KDR: variants seen among roughly 807,000 people sequenced by gnomAD.
KDR encodes the protein vascular endothelial growth factor receptor 2.
In KDR, 43 loss-of-function variants were observed where a neutral mutation model predicts 160.9. The ratio of observed to expected loss-of-function variants is 0.27; its 90% CI spans 0.21 to 0.34. The LOEUF (loss-of-function observed/expected upper bound fraction) is 0.34, where lower values mean the gene tolerates loss of function less well. Among genes scored for constraint, KDR ranks in the 10% least tolerant of loss-of-function variants. The probability of loss-of-function intolerance (pLI) is 1.00; values close to 1 mark genes in which losing one functional copy is unlikely to be tolerated. For missense variants in KDR, 1,469 were observed against 1,666.4 expected, an observed-to-expected ratio of 0.88 and a Z score of 2.06; for synonymous variants, 617 against 600.1, an observed-to-expected ratio of 1.03 and a Z score of -0.41.
intron 24 of KDR, 27 bp downstream of exon 24, chr4:55,089,664 A>T (rs1412102261): frequency 1.3e-6 from 2 of 1,588,742 alleles, no homozygotes; most frequent in African/African-American, 1.3e-5. Context: ...TGGAGTCTGG[A>T]TGGAAGGACA....
At chr4:55,106,256 C>T (rs1241117718) in intron 11 of KDR, among the ~76,000 whole-genome samples, 1 of 152,084 alleles carries the variant, frequency 6.6e-6, no homozygotes, top group Non-Finnish European at 1.5e-5. Context: ...ACCATGTCGG[C>T]ACTCAAAAAG....
chr4:55,081,971 A>G lies in KDR; in HGVS notation c.3833T>C (p.Leu1278Ser), dbSNP rs1719744559. 1.2e-6 allele frequency: 2 copies of G among 1,610,836 alleles called. No individual in the cohort carries two copies. Among genetic ancestry groups the G allele is most frequent in the Non-Finnish European group, 1.7e-6 (2 of 1,176,992 alleles). ...TGAGTCTTACCCAAAAGATGGAGAT[A>G]ATTTGGTTCTGTCTTCCAAAGTTTT... is the stretch of plus-strand genomic sequence containing the variant. ...ELKTLEDRTKLSPSFGGMVPS... is the reference protein window; with the variant it reads ...ELKTLEDRTKSSPSFGGMVPS... Residue 1278 changes from leucine (L) to serine (S), a missense_variant, in exon 29 of 30, where the codon TTA (leucine) becomes TCA (serine). Physicochemically the swap from Leu to Ser is moderately radical, Grantham distance 145 (BLOSUM62 -2). Around this residue, in one of 7 missense-constraint regions of KDR, gnomAD observed 229 missense variants for 197.8 expected, o/e 1.16. Coordinates refer to ENST00000263923, the MANE Select transcript of KDR (RefSeq NM_002253.4).
At chr4:55,090,131 C>T (rs2110011969) in intron 22 of KDR, 53 bp from the exon 23 acceptor site, 2 of 1,608,842 alleles carry the variant, frequency 1.2e-6, no homozygotes, top group Admixed American at 1.7e-5. Flanking sequence ...ATCTCTTTCA[C>T]ATCTGTTGTG....
rs973129809 is a variant in KDR at position 55,095,467 on chromosome 4, A to G, written c.2817+110T>C. The G allele has an allele frequency of 3.2e-4, 251 of 775,596 alleles. 3 individuals carry two copies. The highest frequency in any genetic ancestry group is 4.5e-4 in the Middle Eastern group (2 of 4,440). The allele number at this position is 775,596 out of a possible 1,614,324, so 48.0% of individuals were successfully genotyped here. On this transcript the variant is annotated intron_variant, in intron 20 of 29. Coordinates refer to ENST00000263923, the MANE Select transcript of KDR (RefSeq NM_002253.4). ...ACAACAGCCAAGAGGTAATATGAGA[A>G]GATTCCTCACAAGTTCTTCACAAAA... is the stretch of plus-strand genomic sequence containing the variant.
chr4:55,118,844 C>T (rs1385413031), intron 2 of KDR, 44 bp from the exon 3 acceptor site: 2 of 1,498,548 alleles, frequency 1.3e-6, no homozygotes, highest in Non-Finnish European at 1.9e-6. Context: ...AAGTGCCAGA[C>T]TGTGAGGCTA....
rs1450517283 is a variant in KDR, at chr4:55,092,270, G to A, written c.3069+347C>T. 2.7e-5 allele frequency: 9 copies of A among 335,064 alleles called. No homozygotes were observed. The East Asian group carries it at 2.8e-4, about 11-fold the overall frequency. The allele number at this position is 335,064 out of a possible 1,614,324, so 20.8% of individuals were successfully genotyped here. ...TTTACTCTCATCTAACCTACAACAC[G>A]TTTTACTTGTTTATATTGCTTATTG... On this transcript the variant is annotated intron_variant, in intron 22 of 29. Coordinates refer to ENST00000263923, the MANE Select transcript of KDR (RefSeq NM_002253.4).
chr4:55,120,092 T>G (rs1458833203), intron 2 of KDR, among the ~76,000 whole-genome samples: 1 of 152,154 alleles, frequency 6.6e-6, no homozygotes, highest in African/African-American at 2.4e-5. Context: ...CAAGTAAAGC[T>G]AGAGAAACAG....
chr4:55,122,258 T>A (rs1720900017), intron 1 of KDR, among the ~76,000 whole-genome samples: 1 of 152,116 alleles, frequency 6.6e-6, no homozygotes, highest in Non-Finnish European at 1.5e-5. Context: ...TGAAGAGCTA[T>A]GAGGTGTTGA....
At chr4:55,119,208 A>G (rs1720807292) in intron 2 of KDR, among the ~76,000 whole-genome samples, 1 of 132,918 alleles carries the variant, frequency 7.5e-6, no homozygotes, top group Non-Finnish European at 1.5e-5. Flanking sequence ...CCCTGCCTCA[A>G]AAAAAAAAAA....
Position 55,094,931 on chromosome 4 carries a change from C to T in KDR, c.2842G>A (p.Gly948Arg). 6.2e-7 allele frequency: 1 copy of T among 1,613,964 alleles called. No homozygotes were observed. Among genetic ancestry groups the T allele is most frequent in the Non-Finnish European group, 8.5e-7 (1 of 1,179,888 alleles). ...YKTKGARFRQ[G>R]KDYVGAIPVD... ...GGGATTGCTCCAACGTAGTCTTTCCCTTGACGGAATCGTGCCCCTTTGGTC... is the reference window on the plus strand; with the variant it reads ...GGGATTGCTCCAACGTAGTCTTTCCTTTGACGGAATCGTGCCCCTTTGGTC... Residue 948 changes from glycine (G) to arginine (R), a missense_variant, in exon 21 of 30, where the codon GGG (glycine) becomes AGG (arginine). Coordinates refer to ENST00000263923, the MANE Select transcript of KDR (RefSeq NM_002253.4).
rs377347767 is a variant in KDR, at chr4:55,079,922, G to C, written c.*19C>G. ...CCTCTCATGTGATGTCCAGGAGTTG[G>C]GGGTGTGGATGCTTCCTTTTAAACA... is the stretch of plus-strand genomic sequence containing the variant. On this transcript the variant is annotated 3_prime_UTR_variant, in exon 30 of 30. Transcript: ENST00000263923. 61 of 1,599,236 alleles carry C rather than the reference G, an allele frequency of 3.8e-5. 1 individual carries two copies. The Middle Eastern group carries it at 1.0e-3, about 27-fold the overall frequency.
intron 1 of KDR, among the ~76,000 whole-genome samples, chr4:55,123,167 C>CT (rs1720939083): frequency 6.6e-6 from 1 of 152,120 alleles, no homozygotes; most frequent in South Asian, 2.1e-4. Flanking sequence ...TGGAGTCCCA[C>CT]TTTGTCTAAG....
intron 29 of KDR, 104 bp from the exon 30 acceptor site, chr4:55,080,267 A>G: frequency 1.0e-6 from 1 of 957,230 alleles, no homozygotes; most frequent in East Asian, 2.5e-5. Context: ...ATCTCCCTGG[A>G]GACCGCAGCC....
intron 1 of KDR, among the ~76,000 whole-genome samples, chr4:55,124,239 A>G (rs754093076): frequency 1.3e-5 from 2 of 151,274 alleles, no homozygotes; most frequent in Non-Finnish European, 2.9e-5. Flanking sequence ...TCTTTCTCTG[A>G]CCCTTTCCCC....
chr4:55,097,906 C>T lies in KDR; in HGVS notation c.2510-140G>A, dbSNP rs534634221. The T allele has an allele frequency of 1.1e-5, 9 of 838,776 alleles. No individual in the cohort carries two copies. In the African/African-American group the frequency reaches 1.2e-4, roughly 11 times the overall value. The allele number at this position is 838,776 out of a possible 1,614,324, so 52.0% of individuals were successfully genotyped here. On this transcript the variant is annotated intron_variant, in intron 17 of 29. Coordinates refer to ENST00000263923, the MANE Select transcript of KDR (RefSeq NM_002253.4). The stretch of plus-strand genomic sequence containing the variant: ...AGTCCAGTTTACTCCTTTGTCCTGG[C>T]TTAATTATTTAATAACTCCCCCTTC...
At chr4:55,106,839 A>G (rs764459870) in intron 10 of KDR, 29 bp from the exon 11 acceptor site, 1 of 1,589,602 alleles carries the variant, frequency 6.3e-7, no homozygotes, top group Non-Finnish European at 8.6e-7. Context: ...AGCGCATATT[A>G]TGATTTAATT....
chr4:55,114,301 G>T, intron 5 of KDR, 36 bp from the exon 6 acceptor site: 2 of 1,602,302 alleles, frequency 1.2e-6, no homozygotes, highest in Non-Finnish European at 1.7e-6. Context: ...GAACATGAGA[G>T]AGCAAATAAG....
rs1292576714 is a variant in KDR, at chr4:55,078,658, A to G, written c.*1283T>C. On this transcript the variant is annotated 3_prime_UTR_variant, in exon 30 of 30. Transcript: ENST00000263923. ...AGACTATAAATATATGTGCCATAGC[A>G]TGTCTTATAGTCATTGTTCCCAGCA... The G allele has an allele frequency of 8.6e-6, 2 of 232,720 alleles. No individual in the cohort carries two copies. The highest frequency in any genetic ancestry group is 4.4e-5 in the African/African-American group (2 of 45,334). The allele number at this position is 232,720 out of a possible 1,614,324, so 14.4% of individuals were successfully genotyped here.
rs761405036 is a variant in KDR at position 55,105,838 on chromosome 4, C to A, written c.1639G>T (p.Val547Leu). The A allele has an allele frequency of 1.1e-5, 17 of 1,595,344 alleles. No homozygotes were observed. The South Asian group carries it at 1.8e-4, about 17-fold the overall frequency. Residue 547 changes from valine to leucine, a missense_variant, in exon 12 of 30, where the codon GTG (valine) becomes TTG (leucine). Transcript: ENST00000263923. ...TCCAGAGAAGAGTACTTACTGGTCACGTGGAAGGAGATCACCCTCTCTCCT... is the reference window on the plus strand; with the variant it reads ...TCCAGAGAAGAGTACTTACTGGTCAAGTGGAAGGAGATCACCCTCTCTCCT... ...GRGERVISFH[V>L]TRGPEITLQP...
Sources: allele counts gnomAD v4.1 joint callset (sites outside exome capture counted in the v4.1 genomes callset), GRCh38; gene constraint gnomAD v4.1.1; regional missense constraint gnomAD v4.1.1; transcripts MANE v1.5; gene names NCBI Gene and HGNC (gene_info 2026-07-23, HGNC 2026-07-21).